MORC2: variants seen among roughly 807,000 people sequenced by gnomAD.
MORC2 encodes the protein ATPase MORC2.
A neutral mutation model predicts 136.0 loss-of-function variants in MORC2; 30 were observed. The observed-to-expected ratio is 0.22, with a 90% confidence interval of 0.17 to 0.30. The LOEUF (loss-of-function observed/expected upper bound fraction) is 0.30, where lower values mean the gene tolerates loss of function less well. MORC2 is among the 10% of genes least tolerant of loss of function. MORC2 has a pLI of 1.00. For missense variants in MORC2, 922 were observed against 1,333.1 expected (o/e 0.69, Z 4.80); for synonymous variants, 439 against 487.0 (o/e 0.90, Z 1.30).
chr22:30,939,119 T>C (rs2040702908), intron 12 of MORC2, among the ~76,000 whole-genome samples: 2 of 152,140 alleles, frequency 1.3e-5, no homozygotes, highest in African/African-American at 4.8e-5. Flanking sequence ...GGAAACTTAA[T>C]GATCCAGGAC....
In MORC2 at chr22:30,958,704, T is replaced by G. The variant is rs1377744601; in HGVS notation, c.69-10A>C. On this transcript the variant is annotated splice_polypyrimidine_tract_variant and intron_variant, in intron 1 of 25. Transcript: ENST00000397641. ...GAATTCGTGAGTGGTTCTGAAATGATAAATACTAAAAGTCAGCAAAAGAAT... is the reference window on the plus strand; with the variant it reads ...GAATTCGTGAGTGGTTCTGAAATGAGAAATACTAAAAGTCAGCAAAAGAAT... 4 of 1,540,098 alleles carry G rather than the reference T, an allele frequency of 2.6e-6. No individual in the cohort carries two copies. Among genetic ancestry groups the G allele is most frequent in the Non-Finnish European group, 3.5e-6 (4 of 1,137,982 alleles).
At chr22:30,944,098 C>T (rs1229861173) in intron 6 of MORC2, among the ~76,000 whole-genome samples, 1 of 152,182 alleles carries the variant, frequency 6.6e-6, no homozygotes, top group Non-Finnish European at 1.5e-5. Context: ...TGCAACTATT[C>T]AACCCAAGGG....
rs760073653 is a variant in MORC2 at position 30,938,109 on chromosome 22, C to T, written c.1170G>A (p.Leu390=). The change falls in exon 13 of 26, where the codon CTG becomes CTA. Residue 390 remains leucine (L), a synonymous_variant. Transcript: ENST00000397641. The stretch of plus-strand genomic sequence containing the variant: ...GGCCCACTTTCTCATACATTTTGAT[C>T]AGTCGGCTACAGTTGTAGATGAACA... ...DGMFIYNCSR[L]IKMYEKVGPQ... is the part of the protein sequence containing the mutation. 2 of 1,614,148 alleles carry T rather than the reference C, an allele frequency of 1.2e-6. No homozygotes were observed. Among genetic ancestry groups the T allele is most frequent in the Admixed American group, 3.3e-5 (2 of 60,024 alleles).
intron 3 of MORC2, among the ~76,000 whole-genome samples, chr22:30,954,598 G>C (rs1336910465): frequency 6.6e-6 from 1 of 152,120 alleles, no homozygotes; most frequent in Non-Finnish European, 1.5e-5. Context: ...AAGCATAACA[G>C]GAGTTGTACT....
At chr22:30,946,244 C>G (rs2040813452) in intron 6 of MORC2, 97 bp downstream of exon 6, 1 of 873,510 alleles carries the variant, frequency 1.1e-6, no homozygotes, top group Admixed American at 2.4e-5. Context: ...AATCCTGCAA[C>G]CCCAAAGAGT....
chr22:30,934,412 C>G lies in MORC2; in HGVS notation c.2194-221G>C, dbSNP rs978999417. Reference sequence around the variant, plus strand: ...AGAAGCTTCTCAATTCCCTTCCCACCTTAGTCTACCTGGCCAACTAGCTGT... The same window carrying G: ...AGAAGCTTCTCAATTCCCTTCCCACGTTAGTCTACCTGGCCAACTAGCTGT... On this transcript the variant is annotated intron_variant, in intron 19 of 25. Transcript: ENST00000397641. This position sits in a 1 kb window ranked among gnomAD's most constrained non-coding sequence, Gnocchi z 4.4. 6.6e-6 allele frequency among the ~76,000 whole-genome samples: 1 copy of G among 152,184 alleles called. No individual in the cohort carries two copies. Among genetic ancestry groups the G allele is most frequent in the African/African-American group, 2.4e-5 (1 of 41,444 alleles).
At chr22:30,943,084 T>G (rs957482112) in intron 6 of MORC2, among the ~76,000 whole-genome samples, 2 of 152,146 alleles carry the variant, frequency 1.3e-5, no homozygotes, top group Non-Finnish European at 2.9e-5. Context: ...GAACACTATA[T>G]AGTGATACAA....
chr22:30,933,657 A>G (rs779670985), intron 20 of MORC2, 137 bp from the exon 21 acceptor site: 2 of 819,026 alleles, frequency 2.4e-6, no homozygotes, highest in East Asian at 2.6e-5. Context: ...AGCCCCGTTG[A>G]GAGCCACACT....
At chr22:30,956,328 G>A (rs111877045) in intron 3 of MORC2, among the ~76,000 whole-genome samples, 17 of 152,202 alleles carry the variant, frequency 1.1e-4, no homozygotes, top group African/African-American at 3.4e-4. Context: ...GCTATTTTCC[G>A]CAACCGATAC....
At position 30,928,154 on chromosome 22, in the gene MORC2, G is replaced by A. The variant is rs996577214; in HGVS notation, c.2895C>T (p.Tyr965=). ...TGGCCCGGGAGTCAGCACGGCTCTG[G>A]TAGGAATTGCACAGGTTTTGGAGCC... ...EVGLQNLCNS[Y]QSRADSRAKA... The change falls in exon 25 of 26, where the codon TAC becomes TAT. Residue 965 remains tyrosine (Y), a synonymous_variant. Transcript: ENST00000397641. 3 of 1,614,048 alleles carry A rather than the reference G, an allele frequency of 1.9e-6. No homozygotes were observed. The highest frequency in any genetic ancestry group is 2.7e-5 in the African/African-American group (2 of 74,924).
chr22:30,934,954 G>C lies in MORC2; in HGVS notation c.2020C>G (p.Pro674Ala), dbSNP rs1178513326. The change falls in exon 19 of 26, where the codon CCC (proline) becomes GCC (alanine). Residue 674 changes from proline to alanine, a missense_variant. Coordinates refer to ENST00000397641, the MANE Select transcript of MORC2 (RefSeq NM_001303256.3). The surrounding 1 kb of genome is among the most constrained non-coding windows in gnomAD (Gnocchi z 4.4). ...TSRLLQPPEAPRKPANTLVKT... is the reference protein window; with the variant it reads ...TSRLLQPPEAARKPANTLVKT... Reference sequence around the variant, plus strand: ...ACGAGAGTGTTGGCAGGCTTTCGGGGTGCCTCAGGTGGCTGGAGCAGCCTA... The same window carrying C: ...ACGAGAGTGTTGGCAGGCTTTCGGGCTGCCTCAGGTGGCTGGAGCAGCCTA... 2 of 1,614,122 alleles carry C rather than the reference G, an allele frequency of 1.2e-6. No individual in the cohort carries two copies. Among genetic ancestry groups the C allele is most frequent in the East Asian group, 2.2e-5 (1 of 44,868 alleles).
chr22:30,953,413 G>A (rs939713907), intron 3 of MORC2, among the ~76,000 whole-genome samples: 1 of 152,224 alleles, frequency 6.6e-6, no homozygotes, highest in Non-Finnish European at 1.5e-5. Flanking sequence ...GAATGGCCAA[G>A]TCTGGCTTCT....
In MORC2 at chr22:30,941,190, G is replaced by C. The variant is rs567419667; in HGVS notation, c.824+243C>G. Among the ~76,000 whole-genome samples the C allele has an allele frequency of 6.6e-6, 1 of 152,224 alleles. No homozygotes were observed. The highest frequency in any genetic ancestry group is 2.4e-5 in the African/African-American group (1 of 41,538). ...CAGACAGCTCACTGAGCCAGGCAGG[G>C]CACCCTCCCTGTCACAGAGGCACAC... On this transcript the variant is annotated intron_variant, in intron 9 of 25. Coordinates refer to ENST00000397641, the MANE Select transcript of MORC2 (RefSeq NM_001303256.3). This position sits in a 1 kb window ranked among gnomAD's most constrained non-coding sequence, Gnocchi z 4.6.
chr22:30,935,677 C>T (rs931228730), intron 17 of MORC2, among the ~76,000 whole-genome samples: 2 of 152,032 alleles, frequency 1.3e-5, no homozygotes. Context: ...GCATATAAAA[C>T]ATCATGGGTT....
At position 30,941,525 on chromosome 22, in the gene MORC2, G is replaced by A. The variant is rs371351399; in HGVS notation, c.732C>T (p.Ala244=). ...KPERRSFRAY[A]AVLYIDPRMR... is the part of the protein sequence containing the mutation. ...TCCGGGGATCAATATAGAGCACAGC[G>A]GCATAGGCACGGAACGAGCGCCGCT... Residue 244 remains alanine, a synonymous_variant, in exon 9 of 26, where the codon GCC becomes GCT. Coordinates refer to ENST00000397641, the MANE Select transcript of MORC2 (RefSeq NM_001303256.3). The surrounding 1 kb of genome is among the most constrained non-coding windows in gnomAD (Gnocchi z 4.6). 99 of 1,613,922 alleles carry A rather than the reference G, an allele frequency of 6.1e-5. No homozygotes were observed. In the Middle Eastern group the frequency reaches 6.6e-4, roughly 11 times the overall value.
chr22:30,934,405 T>G lies in MORC2; in HGVS notation c.2194-214A>C, dbSNP rs1238325062. 6.6e-6 allele frequency among the ~76,000 whole-genome samples: 1 copy of G among 152,138 alleles called. No individual in the cohort carries two copies. The highest frequency in any genetic ancestry group is 2.4e-5 in the African/African-American group (1 of 41,438). Reference sequence around the variant, plus strand: ...TCATAGGAGAAGCTTCTCAATTCCCTTCCCACCTTAGTCTACCTGGCCAAC... The same window carrying G: ...TCATAGGAGAAGCTTCTCAATTCCCGTCCCACCTTAGTCTACCTGGCCAAC... On this transcript the variant is annotated intron_variant, in intron 19 of 25. Coordinates refer to ENST00000397641, the MANE Select transcript of MORC2 (RefSeq NM_001303256.3). The surrounding 1 kb of genome is among the most constrained non-coding windows in gnomAD (Gnocchi z 4.4).
intron 6 of MORC2, among the ~76,000 whole-genome samples, chr22:30,945,972 T>C (rs546263792): frequency 6.6e-6 from 1 of 152,264 alleles, no homozygotes; most frequent in African/African-American, 2.4e-5. Flanking sequence ...AACACCATGA[T>C]CAGGGAAGCC....
intron 1 of MORC2, chr22:30,959,016 T>A (rs1405086298): frequency 5.1e-6 from 1 of 197,724 alleles, no homozygotes; most frequent in Admixed American, 5.7e-5. Flanking sequence ...GAAAAATGCC[T>A]GTATATTTTA....
intron 5 of MORC2, among the ~76,000 whole-genome samples, chr22:30,948,798 T>C (rs1164638249): frequency 3.9e-5 from 6 of 152,232 alleles, no homozygotes; most frequent in Non-Finnish European, 7.3e-5. Flanking sequence ...AGGGCTATCA[T>C]GAGGATTAAA....
Sources: allele counts gnomAD v4.1 joint callset (sites outside exome capture counted in the v4.1 genomes callset), GRCh38; gene constraint gnomAD v4.1.1; non-coding constraint Gnocchi (gnomAD v3.1); transcripts MANE v1.5; gene names NCBI Gene and HGNC (gene_info 2026-07-23, HGNC 2026-07-21).